The following CEACAM21 variants were observed in gnomAD, a reference collection of about 807,000 sequenced individuals.
The protein encoded by CEACAM21 is CEA cell adhesion molecule 21.
In CEACAM21, 38 loss-of-function variants were observed where a neutral mutation model predicts 33.2. The observed-to-expected ratio is 1.14, with a 90% confidence interval of 0.88 to 1.50. The LOEUF (loss-of-function observed/expected upper bound fraction) is 1.50, where lower values mean the gene tolerates loss of function less well. Among genes scored for constraint, CEACAM21 ranks in the 40% most tolerant of loss-of-function variants. The pLI is 0.00. For missense variants in CEACAM21, 385 were observed against 364.6 expected (o/e 1.06, Z -0.46); for synonymous variants, 156 against 143.0 (o/e 1.09, Z -0.65).
intron 1 of CEACAM21, 28 bp from the exon 2 acceptor site, chr19:41,577,172 A>G: frequency 6.2e-7 from 1 of 1,612,972 alleles, no homozygotes; most frequent in Non-Finnish European, 8.5e-7. Flanking sequence ...TAGGTCAAAT[A>G]TTGACTGATA....
At chr19:41,576,381 C>A in intron 1 of CEACAM21, 43 bp downstream of exon 1, 1 of 1,587,262 alleles carries the variant, frequency 6.3e-7, no homozygotes, top group Non-Finnish European at 8.6e-7. Flanking sequence ...GGAGGGAGCA[C>A]AGAGACTGGC....
chr19:41,577,610 A>G, intron 2 of CEACAM21, 51 bp downstream of exon 2: 1 of 1,602,702 alleles, frequency 6.2e-7, no homozygotes, highest in Admixed American at 1.8e-5. Context: ...TCTGCTTCAC[A>G]TACGCAGGAT....
chr19:41,584,416 G>A lies in CEACAM21; in HGVS notation c.770G>A (p.Cys257Tyr). Residue 257 changes from cysteine (C) to tyrosine (Y), a missense_variant, in exon 4 of 7, where the codon TGT becomes TAT. By Grantham distance (194) the Cys-to-Tyr change is radical. Coordinates refer to ENST00000401445, the MANE Select transcript of CEACAM21 (RefSeq NM_001098506.4). ...VGSLLVAALV[C>Y]FLLLRKTGRA... Reference sequence around the variant, plus strand: ...AGTCTTCTGGTGGCTGCACTTGTGTGTTTCCTGCTCCTCCGAAAAACTGGC... The same window carrying A: ...AGTCTTCTGGTGGCTGCACTTGTGTATTTCCTGCTCCTCCGAAAAACTGGC... 6.2e-7 allele frequency: 1 copy of A among 1,609,222 alleles called. No homozygotes were observed. The highest frequency in any genetic ancestry group is 8.5e-7 in the Non-Finnish European group (1 of 1,177,550).
chr19:41,578,823 A>C lies in CEACAM21; in HGVS notation c.425-530A>C, dbSNP rs1555792231. ...TGTCACTCCCATGGGAGGATGAAGG[A>C]AAGGACTCAGCTTTCTCTTCCCACT... On this transcript the variant is annotated intron_variant, in intron 2 of 6. Transcript: ENST00000401445. Among the ~76,000 whole-genome samples, 3 of 152,186 alleles carry C rather than the reference A, an allele frequency of 2.0e-5. No individual in the cohort carries two copies. The South Asian group carries it at 6.2e-4, about 31-fold the overall frequency.
upstream of CEACAM21, among the ~76,000 whole-genome samples, chr19:41,574,822 A>G (rs901364147): frequency 7.9e-5 from 12 of 152,188 alleles, no homozygotes; most frequent in Non-Finnish European, 1.6e-4. Context: ...ACATGACCCC[A>G]TATTTATACT....
chr19:41,577,081 AC>A lies in CEACAM21; in HGVS notation c.65-118del. On this transcript the variant is annotated intron_variant, in intron 1 of 6. Transcript: ENST00000401445. Reference sequence around the variant, plus strand: ...ATGCTGCTGACTTTGACCCAGTAGGACACACACACACACACACACCCTCTAA... The same window carrying A: ...ATGCTGCTGACTTTGACCCAGTAGGAACACACACACACACACACCCTCTAA... 14 of 345,918 alleles carry A rather than the reference AC, an allele frequency of 4.0e-5. No individual in the cohort carries two copies. In the East Asian group the frequency reaches 9.7e-4, roughly 24 times the overall value. The allele number at this position is 345,918 out of a possible 1,614,324, so 21.4% of individuals were successfully genotyped here.
chr19:41,561,749 C>T (rs2041896955), intron 1 of CEACAM21, among the ~76,000 whole-genome samples: 1 of 152,136 alleles, frequency 6.6e-6, no homozygotes, highest in African/African-American at 2.4e-5. Flanking sequence ...GGAACTATTT[C>T]TACACATGCA....
intron 1 of CEACAM21, among the ~76,000 whole-genome samples, chr19:41,556,331 T>C (rs1555785597): frequency 6.6e-6 from 1 of 152,256 alleles, no homozygotes; most frequent in Non-Finnish European, 1.5e-5. Context: ...AGGGGGTACA[T>C]GTGCAGGGTA....
chr19:41,571,857 A>C (rs115330197), upstream of CEACAM21, among the ~76,000 whole-genome samples: 1,113 of 151,754 alleles, frequency 7.3e-3, 12 homozygotes, highest in African/African-American at 0.025. Flanking sequence ...AAACATCCTC[A>C]CCAGTCACCT....
Position 41,579,389 on chromosome 19 carries a change from C to G in CEACAM21, c.461C>G (p.Thr154Ser). The change falls in exon 3 of 7, where the codon ACC (threonine) becomes AGC (serine). Residue 154 changes from threonine (T) to serine (S), a missense_variant. Physicochemically the swap from Thr to Ser is moderately conservative, Grantham distance 58. Transcript: ENST00000401445. Reference protein sequence around the residue: ...VAQPSIQASSTTVTEKGSVVL... With the variant: ...VAQPSIQASSSTVTEKGSVVL... ...CAGCCCTCCATCCAAGCCAGCAGCACCACAGTCACAGAGAAGGGCTCCGTG... is the reference window on the plus strand; with the variant it reads ...CAGCCCTCCATCCAAGCCAGCAGCAGCACAGTCACAGAGAAGGGCTCCGTG... The G allele has an allele frequency of 6.2e-7, 1 of 1,613,990 alleles. No individual in the cohort carries two copies. Among genetic ancestry groups the G allele is most frequent in the South Asian group, 1.1e-5 (1 of 91,084 alleles).
chr19:41,561,223 G>A (rs868928132), intron 1 of CEACAM21, among the ~76,000 whole-genome samples: 1 of 152,072 alleles, frequency 6.6e-6, no homozygotes, highest in Non-Finnish European at 1.5e-5. Context: ...GGCTGGTCTT[G>A]AACTTCTGGA....
At chr19:41,562,262 C>CAAAG (rs1172710618) in intron 1 of CEACAM21, among the ~76,000 whole-genome samples, 10 of 136,538 alleles carry the variant, frequency 7.3e-5, no homozygotes, top group Non-Finnish European at 1.2e-4. Flanking sequence ...CAAAACAAAA[C>CAAAG]AAAGAAAGAA....
In CEACAM21 at chr19:41,579,476, G is replaced by T. The variant is rs139542845; in HGVS notation, c.548G>T (p.Arg183Leu). 85 of 1,613,718 alleles carry T rather than the reference G, an allele frequency of 5.3e-5. No homozygotes were observed. The highest frequency in any genetic ancestry group is 6.7e-5 in the Non-Finnish European group (79 of 1,179,864). Residue 183 changes from arginine to leucine, a missense_variant, in exon 3 of 7, where the codon CGT becomes CTT. Arg to Leu is a moderately radical substitution (Grantham distance 102, BLOSUM62 -2). Coordinates refer to ENST00000401445, the MANE Select transcript of CEACAM21 (RefSeq NM_001098506.4). The stretch of plus-strand genomic sequence containing the variant: ...TTCCAGTGGATTTTCAACAACCAGC[G>T]TCTGCAGGTCACGAAGAGGATGAAG... ...TSFQWIFNNQ[R>L]LQVTKRMKLS... is the part of the protein sequence containing the mutation.
At chr19:41,565,348 C>T (rs971375296) in intron 2 of CEACAM21, among the ~76,000 whole-genome samples, 44 of 151,854 alleles carry the variant, frequency 2.9e-4, no homozygotes, top group Non-Finnish European at 2.1e-4. Flanking sequence ...GGGGCGGGGG[C>T]GGGTGCCTCT....
intron 1 of CEACAM21, among the ~76,000 whole-genome samples, chr19:41,564,439 G>C (rs1168514283): frequency 6.6e-6 from 1 of 152,112 alleles, no homozygotes; most frequent in East Asian, 1.9e-4. Flanking sequence ...TTACCGTTCG[G>C]CAGGTGTGCG....
At chr19:41,584,539 C>G in intron 4 of CEACAM21, 96 bp downstream of exon 4, 1 of 1,110,862 alleles carries the variant, frequency 9.0e-7, no homozygotes, top group East Asian at 2.6e-5. Context: ...CAGGCTCTCC[C>G]CAGCCTCCCG....
chr19:41,563,846 T>C (rs947715544), intron 1 of CEACAM21, among the ~76,000 whole-genome samples: 43 of 152,262 alleles, frequency 2.8e-4, no homozygotes, highest in Non-Finnish European at 5.4e-4. Flanking sequence ...GGCACAGTGG[T>C]GGACTCTCTA....
rs1000812150 is a variant in CEACAM21, at chr19:41,586,565, C to T, written c.*102C>T. On this transcript the variant is annotated 3_prime_UTR_variant, in exon 7 of 7. Coordinates refer to ENST00000401445, the MANE Select transcript of CEACAM21 (RefSeq NM_001098506.4). ...GAGCTGCTCCTGTGGGTTGATGGAG[C>T]GTCCCTGAAGCCCCCAGCCCTGGGG... 1.5e-5 allele frequency: 9 copies of T among 619,296 alleles called. No individual in the cohort carries two copies. The highest frequency in any genetic ancestry group is 2.8e-4 in the Middle Eastern group (1 of 3,584). 38.4% of individuals were successfully genotyped at this position (619,296 alleles called of 1,614,324 possible).
rs782430961 is a variant in CEACAM21 at position 41,585,514 on chromosome 19, T to G, written c.850+19T>G. ...ACCCCCGGTGAGTGTCCCTTCAGTCTGGGTGTGGCTGGGAACTACTAAGCC... is the reference window on the plus strand; with the variant it reads ...ACCCCCGGTGAGTGTCCCTTCAGTCGGGGTGTGGCTGGGAACTACTAAGCC... On this transcript the variant is annotated intron_variant, in intron 5 of 6. Transcript: ENST00000401445. 6.8e-6 allele frequency: 11 copies of G among 1,613,394 alleles called. No individual in the cohort carries two copies. In the African/African-American group the frequency reaches 9.4e-5, roughly 14 times the overall value.
Sources: allele counts gnomAD v4.1 joint callset (sites outside exome capture counted in the v4.1 genomes callset), GRCh38; gene constraint gnomAD v4.1.1; transcripts MANE v1.5; gene names NCBI Gene and HGNC (gene_info 2026-07-23, HGNC 2026-07-21).